SPDYE21: variants seen among roughly 807,000 people sequenced by gnomAD.
SPDYE21 encodes the protein speedy protein E21.
A neutral mutation model predicts 36.2 loss-of-function variants in SPDYE21; 14 were observed. The ratio of observed to expected loss-of-function variants is 0.39; its 90% CI spans 0.26 to 0.61. The LOEUF (loss-of-function observed/expected upper bound fraction) is 0.61, where lower values mean the gene tolerates loss of function less well. Among genes scored for constraint, SPDYE21 ranks in the 20% least tolerant of loss-of-function variants. The pLI is 0.55. For synonymous variants in SPDYE21, 58 were observed against 155.1 expected (o/e 0.37, Z 4.65); for missense variants, 233 against 424.6 (o/e 0.55, Z 3.97).
rs1802784079 is a variant in SPDYE21, at chr7:67,288,605, T to C, written c.*1133T>C. ...TGTGTGATGGGTATTATAACTGTTA[T>C]ATACACATACATATAATTTTGTTTT... On this transcript the variant is annotated 3_prime_UTR_variant, in exon 9 of 9. Transcript: ENST00000424157. 6.7e-6 allele frequency among the ~76,000 whole-genome samples: 1 copy of C among 149,908 alleles called. No individual in the cohort carries two copies. The highest frequency in any genetic ancestry group is 1.5e-5 in the Non-Finnish European group (1 of 67,482).
At chr7:67,280,362 C>T (rs1352420142) in intron 3 of SPDYE21, among the ~76,000 whole-genome samples, 2 of 151,982 alleles carry the variant, frequency 1.3e-5, no homozygotes, top group South Asian at 2.1e-4. Context: ...GCTATGACTG[C>T]ACCACTGCAC....
intron 3 of SPDYE21, among the ~76,000 whole-genome samples, chr7:67,280,301 G>C (rs1486828546): frequency 6.6e-6 from 1 of 152,098 alleles, no homozygotes; most frequent in African/African-American, 2.4e-5. Flanking sequence ...AGCATGTTGG[G>C]AGGCTGAGGC....
In SPDYE21 at chr7:67,281,081, CAA is replaced by C. The variant is rs1486112591; in HGVS notation, c.380-292_380-291del. Among the ~76,000 whole-genome samples the C allele has an allele frequency of 2.6e-3, 127 of 49,016 alleles. 4 individuals carry two copies. Among genetic ancestry groups the C allele is most frequent in the Middle Eastern group, 0.03 (2 of 66 alleles). 32.2% of individuals were successfully genotyped at this position (49,016 alleles called of 152,430 possible). ...TAGGCCACAAAGCAAGACTGTTTCGCAACAACAACAACAACAACAAAAAAAAA... is the reference window on the plus strand; with the variant it reads ...TAGGCCACAAAGCAAGACTGTTTCGCCAACAACAACAACAACAAAAAAAAA... On this transcript the variant is annotated intron_variant, in intron 3 of 8. Transcript: ENST00000424157.
chr7:67,279,518 C>G (rs1352855537), intron 2 of SPDYE21, among the ~76,000 whole-genome samples: 4 of 151,898 alleles, frequency 2.6e-5, no homozygotes, highest in East Asian at 3.9e-4. Context: ...TGCACCACTA[C>G]ACTCCAGCCT....
In SPDYE21 at chr7:67,287,851, T is replaced by C. The variant is rs1337995217; in HGVS notation, c.*379T>C. Among the ~76,000 whole-genome samples, 1 of 152,132 alleles carries C rather than the reference T, an allele frequency of 6.6e-6. No individual in the cohort carries two copies. The highest frequency in any genetic ancestry group is 2.4e-5 in the African/African-American group (1 of 41,424). ...GAGGTGCTGTTTCTTACGGACTTGG[T>C]TGCCACAGTCCAGGAGCATTTGAAG... On this transcript the variant is annotated 3_prime_UTR_variant, in exon 9 of 9. Transcript: ENST00000424157.
chr7:67,283,025 T>C (rs1802669033), intron 5 of SPDYE21, among the ~76,000 whole-genome samples: 1 of 144,378 alleles, frequency 6.9e-6, no homozygotes, highest in African/African-American at 2.6e-5. Flanking sequence ...AGGTTGGTCC[T>C]GAACACCTGA....
Position 67,278,814 on chromosome 7 carries a change from G to A in SPDYE21, c.101G>A (p.Arg34Gln), listed in dbSNP as rs1326648551. Reference protein sequence around the residue: ...LHPQNEQSPQRSTSGYPLQEV... With the variant: ...LHPQNEQSPQQSTSGYPLQEV... ...CCCCAGAATGAGCAGAGTCCCCAGC[G>A]GAGCACCTCGGGGTACCCCCTCCAG... Residue 34 changes from arginine (R) to glutamine (Q), a missense_variant, in exon 2 of 9, where the codon CGG becomes CAG. Physicochemically the swap from Arg to Gln is conservative, Grantham distance 43. This residue lies in a region of SPDYE21 where 68 missense variants were observed against 87.6 expected (regional missense o/e 0.78). Transcript: ENST00000424157. Among the ~76,000 whole-genome samples the A allele has an allele frequency of 6.6e-6, 1 of 151,890 alleles. No homozygotes were observed. The highest frequency in any genetic ancestry group is 2.0e-4 in the East Asian group (1 of 5,128).
Position 67,286,079 on chromosome 7 carries a change from A to G in SPDYE21, c.791A>G (p.Asp264Gly). Residue 264 changes from aspartate (D) to glycine (G), a missense_variant, in exon 7 of 9, where the codon GAC becomes GGC. By Grantham distance (94) the Asp-to-Gly change is moderately conservative (BLOSUM62 -1). Transcript: ENST00000424157. Reference sequence around the variant, plus strand: ...AATGACATGGAGGAGGACGACGAGGACTCCAAACAAAACATCTTCCACTTC... The same window carrying G: ...AATGACATGGAGGAGGACGACGAGGGCTCCAAACAAAACATCTTCCACTTC... The part of the protein sequence containing the change: ...LANDMEEDDE[D>G]SKQNIFHFLY... 2.5e-6 allele frequency: 4 copies of G among 1,613,582 alleles called. No homozygotes were observed. The highest frequency in any genetic ancestry group is 3.4e-6 in the Non-Finnish European group (4 of 1,180,024).
chr7:67,286,110 T>G lies in SPDYE21; in HGVS notation c.822T>G (p.Tyr274Ter). 6.2e-7 allele frequency: 1 copy of G among 1,614,066 alleles called. No individual in the cohort carries two copies. Among genetic ancestry groups the G allele is most frequent in the Middle Eastern group, 1.7e-4 (1 of 5,956 alleles). Residue 274 changes from tyrosine to a stop codon, truncating the protein, a stop_gained, in exon 7 of 9, where the codon TAT becomes TAG. Transcript: ENST00000424157. LOFTEE classifies it high-confidence loss of function. ...DSKQNIFHFL[Y>*]GKTRSRIPLL... is the part of the protein sequence containing the mutation. ...AACAAAACATCTTCCACTTCCTGTA[T>G]GGGAAGACCCGCTCTCGCATACCCT...
rs1186167482 is a variant in SPDYE21, at chr7:67,282,593, C to G, written c.611-42C>G. The G allele has an allele frequency of 2.5e-6, 4 of 1,594,728 alleles. No homozygotes were observed. In the African/African-American group the frequency reaches 5.4e-5, roughly 21 times the overall value. ...GCTGCCCTGCTGCTCCCACGGAAAC[C>G]CTGTCCTGCTTCTCACACTGACATC... On this transcript the variant is annotated intron_variant, in intron 4 of 8. Coordinates refer to ENST00000424157, the MANE Select transcript of SPDYE21 (RefSeq NM_001382715.2).
rs940109227 is a variant in SPDYE21 at position 67,286,254 on chromosome 7, G to A, written c.966G>A (p.Pro322=). 16 of 1,588,628 alleles carry A rather than the reference G, an allele frequency of 1.0e-5. No homozygotes were observed. Among genetic ancestry groups the A allele is most frequent in the Admixed American group, 5.1e-5 (3 of 59,012 alleles). The change falls in exon 7 of 9, where the codon CCG becomes CCA. Residue 322 remains proline (P), a synonymous_variant. Coordinates refer to ENST00000424157, the MANE Select transcript of SPDYE21 (RefSeq NM_001382715.2). The part of the protein sequence containing the change: ...RRFQLGRSMN[P]RARKYRSRIP... Reference sequence around the variant, plus strand: ...TCCAGTTAGGCCGTTCCATGAACCCGAGGGCCAGGAAGTACCGCTCTCGCA... The same window carrying A: ...TCCAGTTAGGCCGTTCCATGAACCCAAGGGCCAGGAAGTACCGCTCTCGCA...
chr7:67,278,792 C>T lies in SPDYE21; in HGVS notation c.79C>T (p.Gln27Ter), dbSNP rs1302412370. Among the ~76,000 whole-genome samples the T allele has an allele frequency of 6.6e-6, 1 of 152,010 alleles. No individual in the cohort carries two copies. Among genetic ancestry groups the T allele is most frequent in the African/African-American group, 2.4e-5 (1 of 41,402 alleles). The change falls in exon 2 of 9, where the codon CAG becomes TAG. Residue 27 changes from glutamine (Q) to a stop codon, truncating the protein, a stop_gained. Coordinates refer to ENST00000424157, the MANE Select transcript of SPDYE21 (RefSeq NM_001382715.2). LOFTEE classifies it high-confidence loss of function. ...CACGACCAGCCGTCAACTGCACCCC[C>T]AGAATGAGCAGAGTCCCCAGCGGAG... The part of the protein sequence containing the change: ...KITTSRQLHP[Q>*]NEQSPQRSTS...
rs907031102 is a variant in SPDYE21, at chr7:67,288,888, A to G, written c.*1416A>G. 2.7e-5 allele frequency among the ~76,000 whole-genome samples: 4 copies of G among 150,802 alleles called. No homozygotes were observed. The highest frequency in any genetic ancestry group is 9.8e-5 in the African/African-American group (4 of 40,906). ...TTTGGCATGTTTGTATATTACTTTAAAGAGGATGTGTGTTCTAAAGGAGGA... is the reference window on the plus strand; with the variant it reads ...TTTGGCATGTTTGTATATTACTTTAGAGAGGATGTGTGTTCTAAAGGAGGA... On this transcript the variant is annotated 3_prime_UTR_variant, in exon 9 of 9. Transcript: ENST00000424157.
Position 67,286,379 on chromosome 7 carries a change from T to C in SPDYE21, c.1091T>C (p.Phe364Ser). ...ATAGTCCTGTTCCAGAAACTTCGGT[T>C]CCAGTTCTTCTGTTCCATGAGCGGC... is the stretch of plus-strand genomic sequence containing the variant. ...SQIVLFQKLR[F>S]QFFCSMSGRA... The change falls in exon 7 of 9, where the codon TTC (phenylalanine) becomes TCC (serine). Residue 364 changes from phenylalanine to serine, a missense_variant. Transcript: ENST00000424157. The C allele has an allele frequency of 6.2e-7, 1 of 1,613,832 alleles. No individual in the cohort carries two copies. The highest frequency in any genetic ancestry group is 8.5e-7 in the Non-Finnish European group (1 of 1,180,038).
At chr7:67,280,165 GA>G (rs1388267429) in intron 3 of SPDYE21, 129 bp downstream of exon 3, 1 of 1,479,090 alleles carries the variant, frequency 6.8e-7, no homozygotes, top group Non-Finnish European at 9.0e-7. Flanking sequence ...GGAGGACTCA[GA>G]AGTGATCACT....
At chr7:67,282,047 C>T (rs1373587002) in intron 4 of SPDYE21, among the ~76,000 whole-genome samples, 7 of 151,946 alleles carry the variant, frequency 4.6e-5, no homozygotes, top group African/African-American at 7.3e-5. Flanking sequence ...ACAGGAGAAT[C>T]GCTTAAACCC....
chr7:67,286,767 G>A (rs1584750062), intron 8 of SPDYE21, among the ~76,000 whole-genome samples, 103 bp downstream of exon 8: 1 of 151,976 alleles, frequency 6.6e-6, no homozygotes, highest in South Asian at 2.1e-4. Context: ...GCAACGTGGT[G>A]AGATCCCCTC....
chr7:67,282,166 C>A (rs1289397238), intron 4 of SPDYE21, among the ~76,000 whole-genome samples: 1 of 152,184 alleles, frequency 6.6e-6, no homozygotes, highest in South Asian at 2.1e-4. Flanking sequence ...AAATAAAAAT[C>A]AAATAAAGAA....
Position 67,288,805 on chromosome 7 carries a change from A to T in SPDYE21, c.*1333A>T, listed in dbSNP as rs1802788006. Among the ~76,000 whole-genome samples the T allele has an allele frequency of 6.7e-6, 1 of 149,042 alleles. No individual in the cohort carries two copies. The highest frequency in any genetic ancestry group is 6.8e-5 in the Admixed American group (1 of 14,738). The stretch of plus-strand genomic sequence containing the variant: ...TAAATTCTTGTAAAAATAAATTTTT[A>T]TTTGATATTTCATATATATTTGAAA... On this transcript the variant is annotated 3_prime_UTR_variant, in exon 9 of 9. Coordinates refer to ENST00000424157, the MANE Select transcript of SPDYE21 (RefSeq NM_001382715.2).
Sources: allele counts gnomAD v4.1 joint callset (sites outside exome capture counted in the v4.1 genomes callset), GRCh38; gene constraint gnomAD v4.1.1; regional missense constraint gnomAD v4.1.1; transcripts MANE v1.5; gene names NCBI Gene and HGNC (gene_info 2026-07-23, HGNC 2026-07-21).